STAT5B: variants seen among roughly 807,000 people sequenced by gnomAD.
The protein encoded by STAT5B is signal transducer and activator of transcription 5B, also known as transcription factor STAT5B.
A neutral mutation model predicts 107.8 loss-of-function variants in STAT5B; 21 were observed. The observed-to-expected ratio is 0.19, with a 90% CI of 0.14 to 0.28. The LOEUF (loss-of-function observed/expected upper bound fraction) is 0.28, where lower values mean the gene tolerates loss of function less well. Ranked by LOEUF, STAT5B falls within the 10% of genes least tolerant of loss-of-function variation. STAT5B has a pLI of 1.00. For missense variants in STAT5B, 565 were observed against 1,008.2 expected (o/e 0.56, Z 5.95); for synonymous variants, 325 against 401.7 (o/e 0.81, Z 2.28).
the STAT5B span, among the ~76,000 whole-genome samples, chr17:42,282,136 G>T: frequency 6.6e-6 from 1 of 152,164 alleles, no homozygotes; most frequent in Admixed American, 6.5e-5. Context: ...TGGTTTAGGG[G>T]CCTTCATTAA....
chr17:42,252,044 T>G (rs2144362564), intron 1 of STAT5B, among the ~76,000 whole-genome samples: 1 of 151,314 alleles, frequency 6.6e-6, no homozygotes, highest in African/African-American at 2.4e-5. Context: ...TACAAATAAC[T>G]ATGTTACTGT....
intron 1 of STAT5B, among the ~76,000 whole-genome samples, chr17:42,256,602 G>A (rs1402685541): frequency 2.0e-5 from 3 of 152,146 alleles, no homozygotes; most frequent in African/African-American, 4.8e-5. Flanking sequence ...GCTCACGCCT[G>A]TAATCCCAGC....
At chr17:42,239,211 G>T (rs2080382067) in intron 1 of STAT5B, among the ~76,000 whole-genome samples, 1 of 136,794 alleles carries the variant, frequency 7.3e-6, no homozygotes, top group Middle Eastern at 3.9e-3. Context: ...TCATGCCACT[G>T]CACTCCAAGC....
Position 42,217,376 on chromosome 17 carries a change from C to G in STAT5B, c.1257+1G>C. 6.2e-7 allele frequency: 1 copy of G among 1,614,228 alleles called. No homozygotes were observed. Among genetic ancestry groups the G allele is most frequent in the Non-Finnish European group, 8.5e-7 (1 of 1,180,038 alleles). On this transcript the variant is annotated splice_donor_variant, in intron 10 of 18. Coordinates refer to ENST00000293328, the MANE Select transcript of STAT5B (RefSeq NM_012448.4). LOFTEE classifies it high-confidence loss of function. ...CATTCTTCCTCTTCTTCCACCCTCA[C>G]CATATTCCTGAAGTGGGCACTAAGG...
At chr17:42,279,256 A>C (rs1224853095), upstream of STAT5B, among the ~76,000 whole-genome samples, 1 of 151,886 alleles carries the variant, frequency 6.6e-6, no homozygotes, top group African/African-American at 2.4e-5. Context: ...GGTAATCTTG[A>C]GTGTGTTTTC....
chr17:42,237,077 G>A (rs567595226), intron 1 of STAT5B, among the ~76,000 whole-genome samples: 6 of 152,238 alleles, frequency 3.9e-5, no homozygotes, highest in African/African-American at 1.4e-4. Context: ...ATTTGAGCTC[G>A]GCTGAGTTGC....
chr17:42,200,884 G>A lies in STAT5B; in HGVS notation c.*854C>T, dbSNP rs921094085. On this transcript the variant is annotated 3_prime_UTR_variant, in exon 19 of 19. Transcript: ENST00000293328. ...TGGGTAACCAGGCAACAATCTCAGC[G>A]CCTGGGAGTCAGGGCTGCGCACTCC... 1.5e-5 allele frequency: 6 copies of A among 393,050 alleles called. No homozygotes were observed. The highest frequency in any genetic ancestry group is 6.2e-5 in the African/African-American group (3 of 48,546). The allele number at this position is 393,050 out of a possible 1,614,324, so 24.3% of individuals were successfully genotyped here.
intron 11 of STAT5B, 34 bp from the exon 12 acceptor site, chr17:42,216,140 G>T (rs1045413082): frequency 1.9e-6 from 3 of 1,581,222 alleles, no homozygotes; most frequent in Non-Finnish European, 2.6e-6. Flanking sequence ...GAGCGCCCAC[G>T]AGCCTCAAGT....
chr17:42,274,693 A>G (rs959833684), intron 1 of STAT5B, among the ~76,000 whole-genome samples: 1 of 152,248 alleles, frequency 6.6e-6, no homozygotes, highest in African/African-American at 2.4e-5. Flanking sequence ...GGCACACTCA[A>G]TAAAATACAT....
At position 42,199,314 on chromosome 17, in the gene STAT5B, C is replaced by G. The variant is rs2080025888; in HGVS notation, c.*2424G>C. On this transcript the variant is annotated 3_prime_UTR_variant, in exon 19 of 19. Transcript: ENST00000293328. ...TGTACACAATACTTTTTTTTGGTGG[C>G]TAAATAACTAATCTGCCTTGACACT... The G allele has an allele frequency of 6.6e-6, 1 of 152,110 alleles. No individual in the cohort carries two copies. The highest frequency in any genetic ancestry group is 2.1e-4 in the South Asian group (1 of 4,824). The allele number at this position is 152,110 out of a possible 1,614,324, so 9.4% of individuals were successfully genotyped here.
At chr17:42,224,100 G>C (rs2080253531) in intron 4 of STAT5B, among the ~76,000 whole-genome samples, 1 of 152,108 alleles carries the variant, frequency 6.6e-6, no homozygotes, top group African/African-American at 2.4e-5. Flanking sequence ...GAAGTGATGG[G>C]GGAGGCATAA....
intron 12 of STAT5B, chr17:42,214,133 ACT>A (rs1398752812): frequency 2.4e-6 from 2 of 825,346 alleles, no homozygotes; most frequent in South Asian, 5.5e-5. Flanking sequence ...ACAGAGCAAG[ACT>A]CTGTCTCAAA....
intron 1 of STAT5B, among the ~76,000 whole-genome samples, chr17:42,258,999 G>C (rs2080571076): frequency 6.6e-6 from 1 of 152,190 alleles, no homozygotes; most frequent in Admixed American, 6.5e-5. Context: ...TTATAAAAAT[G>C]AAGAGTAGCT....
At chr17:42,205,876 A>G (rs781307686) in intron 16 of STAT5B, among the ~76,000 whole-genome samples, 2 of 152,106 alleles carry the variant, frequency 1.3e-5, no homozygotes, top group Non-Finnish European at 1.5e-5. Flanking sequence ...CAGCCTGGGC[A>G]ACAAAGTGAG....
intron 1 of STAT5B, among the ~76,000 whole-genome samples, chr17:42,262,401 G>T (rs183986505): frequency 5.1e-4 from 78 of 152,174 alleles, no homozygotes; most frequent in Non-Finnish European, 8.8e-4. Flanking sequence ...ACTAATTCTA[G>T]TTACAAAGAA....
intron 2 of STAT5B, among the ~76,000 whole-genome samples, chr17:42,229,502 G>C (rs2080301147): frequency 6.6e-6 from 1 of 151,562 alleles, no homozygotes; most frequent in African/African-American, 2.4e-5. Flanking sequence ...ACAGAAGTCA[G>C]GTATTGGTTC....
At chr17:42,219,016 C>T (rs896196669) in intron 7 of STAT5B, 138 bp from the exon 8 acceptor site, 1 of 788,414 alleles carries the variant, frequency 1.3e-6, no homozygotes, top group African/African-American at 1.8e-5. Flanking sequence ...AGCAGAGCTC[C>T]CTGCCTCCCA....
chr17:42,254,875 G>A lies in STAT5B; in HGVS notation c.-11+21373C>T, dbSNP rs1379507585. Among the ~76,000 whole-genome samples the A allele has an allele frequency of 3.9e-5, 6 of 152,060 alleles. 1 individual carries two copies. Among genetic ancestry groups the A allele is most frequent in the Admixed American group, 1.3e-4 (2 of 15,260 alleles). ...TGGGAGGCCTAGGCAGGCGGATCAC[G>A]AGGTCAGGAGATTGAGACCATCCTG... On this transcript the variant is annotated intron_variant, in intron 1 of 18. Transcript: ENST00000293328.
chr17:42,268,585 T>C (rs2080694665), intron 1 of STAT5B: 1 of 152,114 alleles, frequency 6.6e-6, no homozygotes, highest in Non-Finnish European at 1.5e-5. Flanking sequence ...CTTCCATGCC[T>C]TCGGAATAAG....
Sources: gnomAD v4.1 joint callset for allele counts (sites outside exome capture counted in the v4.1 genomes callset) on GRCh38, gnomAD v4.1.1 for gene constraint, MANE v1.5 for transcripts, NCBI Gene and HGNC (gene_info 2026-07-23, HGNC 2026-07-21) for gene names.